B4GALT5: variants seen among roughly 807,000 people sequenced by gnomAD.
B4GALT5 encodes beta-1,4-galactosyltransferase 5.
A neutral mutation model predicts 45.0 loss-of-function variants in B4GALT5; 11 were observed. That is an observed-to-expected ratio of 0.24 (90% CI 0.15 to 0.40). The LOEUF (loss-of-function observed/expected upper bound fraction) is 0.40, where lower values mean the gene tolerates loss of function less well. Among genes scored for constraint, B4GALT5 ranks in the 10% least tolerant of loss-of-function variants. B4GALT5 has a pLI of 1.00. For missense variants in B4GALT5, 337 were observed against 500.2 expected, an observed-to-expected ratio of 0.67 and a Z score of 3.11; for synonymous variants, 185 against 182.9, an observed-to-expected ratio of 1.01 and a Z score of -0.09.
intron 6 of B4GALT5, among the ~76,000 whole-genome samples, chr20:49,640,079 A>C (rs1196706843): frequency 3.3e-5 from 5 of 152,188 alleles, no homozygotes; most frequent in Admixed American, 1.3e-4. Context: ...AATCTATATT[A>C]ACATGTTTCA....
In B4GALT5 at chr20:49,713,747, T is replaced by TCCGCCGCCTCCTGGGCCG. The variant is rs2085932472; in HGVS notation, c.-75_-58dup. 1.7e-6 allele frequency: 1 copy of TCCGCCGCCTCCTGGGCCG among 588,192 alleles called. No individual in the cohort carries two copies. Among genetic ancestry groups the TCCGCCGCCTCCTGGGCCG allele is most frequent in the Non-Finnish European group, 2.4e-6 (1 of 421,828 alleles). The allele number at this position is 588,192 out of a possible 1,614,324, so 36.4% of individuals were successfully genotyped here. ...CCGGGCCTGCTCCCGCAGCTCCCCG[T>TCCGCCGCCTCCTGGGCCG]CCGCCGCCTCCTGGGCCGCCGCCGC... On this transcript the variant is annotated 5_prime_UTR_variant, in exon 1 of 9. Coordinates refer to ENST00000371711, the MANE Select transcript of B4GALT5 (RefSeq NM_004776.4).
intron 1 of B4GALT5, among the ~76,000 whole-genome samples, chr20:49,685,278 G>A (rs1555813504): frequency 1.3e-5 from 2 of 152,294 alleles, no homozygotes; most frequent in Non-Finnish European, 2.9e-5. Context: ...CCATGTTGCC[G>A]TCTCTAAAAG....
chr20:49,661,701 C>G (rs1469819615), intron 1 of B4GALT5, among the ~76,000 whole-genome samples: 2 of 152,118 alleles, frequency 1.3e-5, no homozygotes, highest in African/African-American at 2.4e-5. Context: ...TTTCAGGCAC[C>G]GTACGAGGGC....
chr20:49,679,523 A>T (rs1443546703), intron 1 of B4GALT5, among the ~76,000 whole-genome samples: 1 of 151,878 alleles, frequency 6.6e-6, no homozygotes, highest in Non-Finnish European at 1.5e-5. Context: ...AAAAATACAA[A>T]AAATTAGCCA....
chr20:49,710,405 C>CTTTTTT (rs751939911), intron 1 of B4GALT5, among the ~76,000 whole-genome samples: 7 of 102,466 alleles, frequency 6.8e-5, no homozygotes, highest in South Asian at 3.6e-4. Context: ...TTTTCTCTCT[C>CTTTTTT]TTTTTTTTTT....
chr20:49,694,875 C>CAGCT (rs2146356516), intron 1 of B4GALT5, among the ~76,000 whole-genome samples: 1 of 152,138 alleles, frequency 6.6e-6, no homozygotes, highest in Admixed American at 6.5e-5. Context: ...AAGCATCTAC[C>CAGCT]AGCTACTCAG....
intron 1 of B4GALT5, among the ~76,000 whole-genome samples, chr20:49,710,391 G>GTTA (rs1249037479): frequency 7.1e-6 from 1 of 140,224 alleles, no homozygotes; most frequent in Non-Finnish European, 1.5e-5. Context: ...GTTATTTTCT[G>GTTA]TTATTTTCTC....
In B4GALT5 at chr20:49,635,313, G is replaced by C. The variant is rs186835151; in HGVS notation, c.*999C>G. On this transcript the variant is annotated 3_prime_UTR_variant, in exon 9 of 9. Transcript: ENST00000371711. Reference sequence around the variant, plus strand: ...CAGAGATGTGTGTGCAGCGAGCCCCGAAGGGCCTGCTTTAGGCAGGAAGCA... The same window carrying C: ...CAGAGATGTGTGTGCAGCGAGCCCCCAAGGGCCTGCTTTAGGCAGGAAGCA... 1 of 146,796 alleles carries C rather than the reference G, an allele frequency of 6.8e-6. No homozygotes were observed. Among genetic ancestry groups the C allele is most frequent in the East Asian group, 2.0e-4 (1 of 4,956 alleles). The allele number at this position is 146,796 out of a possible 1,614,324, so 9.1% of individuals were successfully genotyped here.
At position 49,713,668 on chromosome 20, in the gene B4GALT5, A is replaced by T. The variant is rs866013717; in HGVS notation, c.23T>A (p.Leu8Gln). The T allele has an allele frequency of 6.5e-7, 1 of 1,538,390 alleles. No homozygotes were observed. The highest frequency in any genetic ancestry group is 1.4e-5 in the African/African-American group (1 of 70,562). Residue 8 changes from leucine (L) to glutamine (Q), a missense_variant, in exon 1 of 9, where the codon CTG (leucine) becomes CAG (glutamine). By Grantham distance (113) the Leu-to-Gln change is moderately radical. Around this residue, in one of 2 missense-constraint regions of B4GALT5, gnomAD observed 174 missense variants for 207.4 expected, o/e 0.84. Coordinates refer to ENST00000371711, the MANE Select transcript of B4GALT5 (RefSeq NM_004776.4). ...GAGCAGCGAGCGGCGCGGCAGCCGC[A>T]GCAGCCCCCGGCGGGCGCGCATGCT... MRARRGLLRLPRRSLLAA... is the reference protein window; with the variant it reads MRARRGLQRLPRRSLLAA...
At chr20:49,654,244 T>C (rs530039749) in intron 2 of B4GALT5, among the ~76,000 whole-genome samples, 2 of 152,260 alleles carry the variant, frequency 1.3e-5, no homozygotes, top group East Asian at 1.9e-4. Context: ...AGCTGCGCCA[T>C]CTTCCCCAAG....
intron 1 of B4GALT5, among the ~76,000 whole-genome samples, chr20:49,698,610 T>TCACACA (rs140692048): frequency 2.0e-5 from 3 of 151,068 alleles, no homozygotes; most frequent in East Asian, 3.9e-4. Flanking sequence ...ACTCTCGCAT[T>TCACACA]CACACACACA....
At chr20:49,703,452 T>C (rs1256553438) in intron 1 of B4GALT5, among the ~76,000 whole-genome samples, 1 of 152,132 alleles carries the variant, frequency 6.6e-6, no homozygotes, top group Non-Finnish European at 1.5e-5. Flanking sequence ...AATATTTAAG[T>C]ACATACAACG....
rs369706369 is a variant in B4GALT5, at chr20:49,638,371, T to C, written c.918-929A>G. ...GTCCTTGTAATTAACAACAAACACA[T>C]ACTTTTCAAAAGCCAAGCTACAAAG... On this transcript the variant is annotated intron_variant, in intron 7 of 8. Transcript: ENST00000371711. Among the ~76,000 whole-genome samples, 15 of 152,286 alleles carry C rather than the reference T, an allele frequency of 9.8e-5. No individual in the cohort carries two copies. In the East Asian group the frequency reaches 2.7e-3, roughly 27 times the overall value.
intron 1 of B4GALT5, among the ~76,000 whole-genome samples, chr20:49,668,142 T>C (rs985912792): frequency 6.6e-6 from 1 of 152,156 alleles, no homozygotes; most frequent in African/African-American, 2.4e-5. Flanking sequence ...AAACTTTTGC[T>C]TTCCTAATCC....
chr20:49,713,659 G>GGCAGCC lies in B4GALT5; in HGVS notation c.26_31dup (p.Arg9_Leu10dup). On this transcript the variant is annotated inframe_insertion, in exon 1 of 9. Coordinates refer to ENST00000371711, the MANE Select transcript of B4GALT5 (RefSeq NM_004776.4). ...GAGCGCGGCGAGCAGCGAGCGGCGC[G>GGCAGCC]GCAGCCGCAGCAGCCCCCGGCGGGC... is the stretch of plus-strand genomic sequence containing the variant. The GGCAGCC allele has an allele frequency of 4.5e-6, 7 of 1,558,532 alleles. No homozygotes were observed. The highest frequency in any genetic ancestry group is 6.1e-6 in the Non-Finnish European group (7 of 1,154,158).
intron 3 of B4GALT5, among the ~76,000 whole-genome samples, chr20:49,644,907 C>T (rs2085592726): frequency 6.6e-6 from 1 of 151,914 alleles, no homozygotes; most frequent in African/African-American, 2.4e-5. Flanking sequence ...TTTTCCTTTT[C>T]TTGATCTCAC....
intron 1 of B4GALT5, among the ~76,000 whole-genome samples, chr20:49,684,925 G>A (rs996974064): frequency 2.6e-5 from 4 of 152,146 alleles, no homozygotes; most frequent in Non-Finnish European, 5.9e-5. Flanking sequence ...AGGCCTTCAG[G>A]AAGTCACAGT....
chr20:49,643,747 G>T (rs2085586953), intron 3 of B4GALT5, 97 bp from the exon 4 acceptor site: 3 of 1,370,726 alleles, frequency 2.2e-6, no homozygotes, highest in Non-Finnish European at 3.0e-6. Context: ...TGCTTTTTCA[G>T]CTGAATTTGT....
intron 1 of B4GALT5, 47 bp downstream of exon 1, chr20:49,713,529 C>G (rs781652137): frequency 6.5e-7 from 1 of 1,535,208 alleles, no homozygotes; most frequent in Non-Finnish European, 8.8e-7. Context: ...CCCCGGGTCC[C>G]TCAAGGCCAG....
Sources: allele counts gnomAD v4.1 joint callset (sites outside exome capture counted in the v4.1 genomes callset), GRCh38; gene constraint gnomAD v4.1.1; regional missense constraint gnomAD v4.1.1; transcripts MANE v1.5; gene names NCBI Gene and HGNC (gene_info 2026-07-23, HGNC 2026-07-21).